Variants in FNTA observed in about 807,000 individuals in gnomAD.
FNTA encodes the protein protein farnesyltransferase/geranylgeranyltransferase type-1 subunit alpha.
FNTA carries 27 observed loss-of-function variants against 55.2 expected under a neutral mutation model. The observed-to-expected ratio is 0.49, with a 90% CI of 0.36 to 0.67. FNTA has a LOEUF of 0.67. Among genes scored for constraint, FNTA ranks in the 30% least tolerant of loss-of-function variants. The probability of loss-of-function intolerance (pLI) is 0.00; values close to 1 mark genes in which losing one functional copy is unlikely to be tolerated. For missense variants in FNTA, 422 were observed against 464.7 expected (o/e 0.91, Z 0.85); for synonymous variants, 176 against 170.7 (o/e 1.03, Z -0.24).
At chr8:43,061,924 G>T (rs1029086231) in intron 2 of FNTA, among the ~76,000 whole-genome samples, 1 of 152,032 alleles carries the variant, frequency 6.6e-6, no homozygotes, top group African/African-American at 2.4e-5. Context: ...TCTCCATGTT[G>T]GTTAGGCTGG....
chr8:43,081,049 G>A (rs1163534830), intron 6 of FNTA: 1 of 151,982 alleles, frequency 6.6e-6, no homozygotes, highest in Middle Eastern at 3.2e-3. Context: ...AGAATTTACA[G>A]TTTGTTAAAT....
At chr8:43,070,085 C>G (rs1810752863) in intron 4 of FNTA, 1 of 151,598 alleles carries the variant, frequency 6.6e-6, no homozygotes, top group Non-Finnish European at 1.5e-5. Flanking sequence ...GAATCCCCGT[C>G]TCTACTAAAA....
Position 43,083,323 on chromosome 8 carries a change from AT to A in FNTA, c.845+145del, listed in dbSNP as rs1811061460. ...AACCTAAGAGCAGAAGTATAACAGC[AT>A]TATGGAAACTCTCTGGGAGTTTGCC... On this transcript the variant is annotated intron_variant, in intron 7 of 8. Transcript: ENST00000302279. 7.4e-6 allele frequency: 4 copies of A among 542,004 alleles called. No individual in the cohort carries two copies. The South Asian group carries it at 1.1e-4, about 15-fold the overall frequency. The allele number at this position is 542,004 out of a possible 1,614,324, so 33.6% of individuals were successfully genotyped here.
intron 3 of FNTA, among the ~76,000 whole-genome samples, chr8:43,065,069 C>G (rs1356069209): frequency 6.6e-6 from 1 of 151,582 alleles, no homozygotes; most frequent in Admixed American, 6.6e-5. Context: ...CTCCTGACCT[C>G]GTGATCCGCC....
At chr8:43,079,686 A>C (rs1184803961) in intron 6 of FNTA, 1 of 151,752 alleles carries the variant, frequency 6.6e-6, no homozygotes, top group Non-Finnish European at 1.5e-5. Flanking sequence ...AAGTCTCACT[A>C]TTTAAGAAAT....
chr8:43,056,531 C>T lies in FNTA; in HGVS notation c.185C>T (p.Ser62Phe), dbSNP rs1360128458. ...DDGFVSLDSP[S>F]YVLYRDRAEW... ...GGGTTTGTGAGCCTGGACTCGCCCT[C>T]CTATGTCCTGTACAGGTAACGCCCC... The change falls in exon 1 of 9, where the codon TCC becomes TTC. Residue 62 changes from serine to phenylalanine, a missense_variant. This residue lies in a region of FNTA where 160 missense variants were observed against 121.6 expected (regional missense o/e 1.32). Transcript: ENST00000302279. 2 of 1,548,038 alleles carry T rather than the reference C, an allele frequency of 1.3e-6. No individual in the cohort carries two copies. Among genetic ancestry groups the T allele is most frequent in the Admixed American group, 1.9e-5 (1 of 51,696 alleles).
intron 2 of FNTA, among the ~76,000 whole-genome samples, chr8:43,061,838 GCCGC>G (rs1156281401): frequency 6.6e-6 from 1 of 151,940 alleles, no homozygotes; most frequent in East Asian, 1.9e-4. Context: ...TCCTGCCTCA[GCCGC>G]CCGAGTAGCT....
At chr8:43,063,822 T>C (rs1810591023) in intron 2 of FNTA, among the ~76,000 whole-genome samples, 1 of 152,214 alleles carries the variant, frequency 6.6e-6, no homozygotes, top group African/African-American at 2.4e-5. Flanking sequence ...TAATTTTTCT[T>C]TTATACATAA....
chr8:43,070,873 T>G (rs1046551410), intron 4 of FNTA, among the ~76,000 whole-genome samples: 1 of 152,250 alleles, frequency 6.6e-6, no homozygotes, highest in Non-Finnish European at 1.5e-5. Flanking sequence ...CTTCCTCAGT[T>G]TGATATCCTG....
chr8:43,082,239 G>GTATAATCTGTTTAA (rs1198357818), intron 6 of FNTA: 1 of 152,210 alleles, frequency 6.6e-6, no homozygotes. Context: ...TCTGTTTAAG[G>GTATAATCTGTTTAA]GGAAGATAAA....
Position 43,085,699 on chromosome 8 carries a change from C to G in FNTA, c.*417C>G, listed in dbSNP as rs1166090910. The G allele has an allele frequency of 5.8e-6, 1 of 173,022 alleles. No homozygotes were observed. The highest frequency in any genetic ancestry group is 1.2e-5 in the Non-Finnish European group (1 of 82,606). 10.7% of individuals were successfully genotyped at this position (173,022 alleles called of 1,614,324 possible). A position where few individuals can be genotyped will look rare whatever the true frequency, so the allele number is the denominator to read the frequency against. On this transcript the variant is annotated 3_prime_UTR_variant, in exon 9 of 9. Coordinates refer to ENST00000302279, the MANE Select transcript of FNTA (RefSeq NM_002027.3). ...ATACAGTCGTTCCATCAGAGCTGGTCTGCACACTCACATTATCTTGCTATC... is the reference window on the plus strand; with the variant it reads ...ATACAGTCGTTCCATCAGAGCTGGTGTGCACACTCACATTATCTTGCTATC...
At chr8:43,062,435 C>T (rs897964664) in intron 2 of FNTA, among the ~76,000 whole-genome samples, 1 of 151,842 alleles carries the variant, frequency 6.6e-6, no homozygotes, top group Non-Finnish European at 1.5e-5. Context: ...GCATGTGTCA[C>T]CATGCCCAGC....
chr8:43,075,759 C>T (rs921510463), intron 5 of FNTA, among the ~76,000 whole-genome samples: 4 of 152,144 alleles, frequency 2.6e-5, no homozygotes, highest in Non-Finnish European at 1.5e-5. Context: ...GAGGTTACAG[C>T]GAGCTGAGAC....
chr8:43,061,939 G>A (rs1404636458), intron 2 of FNTA, among the ~76,000 whole-genome samples: 2 of 152,018 alleles, frequency 1.3e-5, no homozygotes, highest in South Asian at 2.1e-4. Flanking sequence ...GGCTGGTCTC[G>A]AACTCCCGAC....
At chr8:43,077,464 G>A in intron 6 of FNTA, 100 bp downstream of exon 6, 1 of 842,548 alleles carries the variant, frequency 1.2e-6, no homozygotes, top group South Asian at 2.0e-5. Context: ...CCTACCCCAT[G>A]GAACTAAAAG....
At chr8:43,074,359 C>CA (rs1217768272) in intron 5 of FNTA, among the ~76,000 whole-genome samples, 1 of 151,676 alleles carries the variant, frequency 6.6e-6, no homozygotes, top group Admixed American at 6.6e-5. Flanking sequence ...CCCGTCTCTA[C>CA]AAAAAATACA....
At chr8:43,079,106 A>G (rs1002428504) in intron 6 of FNTA, 8 of 157,638 alleles carry the variant, frequency 5.1e-5, no homozygotes, top group African/African-American at 1.7e-4. Context: ...AGCCATCTCC[A>G]TAGCATGGAA....
At chr8:43,065,382 G>A (rs1810631578) in intron 3 of FNTA, among the ~76,000 whole-genome samples, 1 of 151,960 alleles carries the variant, frequency 6.6e-6, no homozygotes, top group Admixed American at 6.6e-5. Context: ...CAGGTAGCTG[G>A]GATTACAGGT....
At position 43,077,339 on chromosome 8, in the gene FNTA, C is replaced by A. The variant is rs371393216; in HGVS notation, c.757C>A (p.Arg253Ser). Residue 253 changes from arginine (R) to serine (S), a missense_variant, in exon 6 of 9, where the codon CGT becomes AGT. Coordinates refer to ENST00000302279, the MANE Select transcript of FNTA (RefSeq NM_002027.3). ...TTCTAACACCACTGGCTACAATGAT[C>A]GTGCTGTATTGGAGAGAGAAGTCCA... ...VISNTTGYND[R>S]AVLEREVQYT... 1 of 1,612,536 alleles carries A rather than the reference C, an allele frequency of 6.2e-7. No homozygotes were observed. Among genetic ancestry groups the A allele is most frequent in the African/African-American group, 1.3e-5 (1 of 74,998 alleles).
Sources: allele counts gnomAD v4.1 joint callset (sites outside exome capture counted in the v4.1 genomes callset), GRCh38; gene constraint gnomAD v4.1.1; regional missense constraint gnomAD v4.1.1; transcripts MANE v1.5; gene names NCBI Gene and HGNC (gene_info 2026-07-23, HGNC 2026-07-21).